The following WBP2NL variants were observed in gnomAD, a reference collection of about 807,000 sequenced individuals.
The protein encoded by WBP2NL is postacrosomal sheath WW domain-binding protein.
Under a neutral mutation model 23.3 loss-of-function variants are expected in WBP2NL, and 27 were observed. That is an observed-to-expected ratio of 1.16 (90% CI 0.85 to 1.60). The LOEUF is 1.60. Among genes scored for constraint, WBP2NL ranks in the 40% most tolerant of loss-of-function variants. The probability of loss-of-function intolerance (pLI) is 0.00; values close to 1 mark genes in which losing one functional copy is unlikely to be tolerated. For missense variants in WBP2NL, 370 were observed against 389.5 expected (o/e 0.95, Z 0.42); for synonymous variants, 151 against 145.9 (o/e 1.03, Z -0.25).
intron 1 of WBP2NL, among the ~76,000 whole-genome samples, chr22:42,007,849 CT>C (rs133320): frequency 0.42 from 64,229 of 151,924 alleles, 14,799 homozygotes; most frequent in East Asian, 0.85. Context: ...GTGAATAGTG[CT>C]GCTATCAACA....
chr22:42,008,304 G>A (rs1230550922), intron 1 of WBP2NL, among the ~76,000 whole-genome samples: 2 of 151,368 alleles, frequency 1.3e-5, no homozygotes, highest in Non-Finnish European at 2.9e-5. Context: ...AGCTTCCGGG[G>A]TTCAAGTGAT....
downstream of WBP2NL, among the ~76,000 whole-genome samples, chr22:42,035,054 C>T (rs1417398791): frequency 2.0e-5 from 3 of 152,226 alleles, no homozygotes; most frequent in East Asian, 3.8e-4. Flanking sequence ...CAAAGACAGG[C>T]ATAGGAAATC....
intron 8 of WBP2NL, among the ~76,000 whole-genome samples, chr22:42,042,489 T>C (rs1925432727): frequency 1.3e-5 from 2 of 152,208 alleles, no homozygotes; most frequent in South Asian, 2.1e-4. Flanking sequence ...ATTCTTCAGC[T>C]CCAGAATGTT....
rs1569455115 is a variant in WBP2NL at position 42,049,698 on chromosome 22, AAC to A, written c.*274-8590_*274-8589del. The stretch of plus-strand genomic sequence containing the variant: ...GAGCGAGACTCCGTCTCCAAAACAA[AAC>A]AAAACAAAAAAAAAAAAAAAAAAAA... On this transcript the variant is annotated intron_variant and NMD_transcript_variant, in intron 8 of 8. Coordinates refer to the WBP2NL transcript ENST00000436265. Among the ~76,000 whole-genome samples the A allele has an allele frequency of 9.9e-5, 9 of 91,186 alleles. 1 individual carries two copies. Among genetic ancestry groups the A allele is most frequent in the Admixed American group, 2.0e-4 (2 of 10,212 alleles). The allele number at this position is 91,186 out of a possible 152,430, so 59.8% of individuals were successfully genotyped here.
At position 42,018,947 on chromosome 22, in the gene WBP2NL, G is replaced by A. The variant is rs562695596; in HGVS notation, c.63-364G>A. On this transcript the variant is annotated intron_variant, in intron 1 of 5. Coordinates refer to ENST00000328823, the MANE Select transcript of WBP2NL (RefSeq NM_152613.3). ...AAAAAAAAAAACTACATTAAGGGCC[G>A]GGCACGGTGGCATGCCTGTAATCCC... Among the ~76,000 whole-genome samples, 14 of 151,400 alleles carry A rather than the reference G, an allele frequency of 9.2e-5. No individual in the cohort carries two copies. In the East Asian group the frequency reaches 1.5e-3, roughly 17 times the overall value.
At chr22:42,041,450 C>T (rs1483186101) in intron 8 of WBP2NL, among the ~76,000 whole-genome samples, 1 of 145,658 alleles carries the variant, frequency 6.9e-6, no homozygotes, top group Non-Finnish European at 1.5e-5. Flanking sequence ...CCACTGCACT[C>T]TAGCCTGGCA....
chr22:42,022,219 G>A (rs989021232), intron 4 of WBP2NL, 30 bp from the exon 5 acceptor site: 6 of 1,575,740 alleles, frequency 3.8e-6, no homozygotes, highest in Non-Finnish European at 5.2e-6. Context: ...AATTAAAAGA[G>A]TTCCTATTTT....
At chr22:42,035,063 T>G (rs1925130217), downstream of WBP2NL, among the ~76,000 whole-genome samples, 1 of 152,216 alleles carries the variant, frequency 6.6e-6, no homozygotes, top group Non-Finnish European at 1.5e-5. Flanking sequence ...GCATAGGAAA[T>G]CACAAGGATA....
chr22:42,025,468 A>G (rs1924392414), intron 5 of WBP2NL, among the ~76,000 whole-genome samples: 1 of 152,262 alleles, frequency 6.6e-6, no homozygotes. Flanking sequence ...TATTAAGGCC[A>G]TTGATTCACT....
chr22:42,013,467 T>G (rs906813680), intron 1 of WBP2NL, among the ~76,000 whole-genome samples: 3 of 152,214 alleles, frequency 2.0e-5, no homozygotes, highest in African/African-American at 7.2e-5. Flanking sequence ...GAGTCACTTA[T>G]CTTGTTAATT....
At chr22:41,999,242 G>A (rs925400252) in intron 1 of WBP2NL, among the ~76,000 whole-genome samples, 1 of 152,250 alleles carries the variant, frequency 6.6e-6, no homozygotes, top group Non-Finnish European at 1.5e-5. Flanking sequence ...GGGGGCCTTC[G>A]GTGGCAGCGT....
rs535574981 is a variant in WBP2NL at position 42,045,266 on chromosome 22, G to A, written c.*274-13024G>A. ...ATCCTGGCCAACATGGTGAAACCCC[G>A]TCTCTACTAAAAAAAATACAAAAAA... On this transcript the variant is annotated intron_variant and NMD_transcript_variant, in intron 8 of 8. Coordinates refer to the WBP2NL transcript ENST00000436265. 3.1e-3 allele frequency among the ~76,000 whole-genome samples: 470 copies of A among 152,008 alleles called. 1 individual carries two copies. The highest frequency in any genetic ancestry group is 5.2e-3 in the Non-Finnish European group (354 of 67,978).
intron 1 of WBP2NL, among the ~76,000 whole-genome samples, chr22:42,005,262 C>T (rs1922114550): frequency 6.6e-6 from 1 of 151,952 alleles, no homozygotes; most frequent in South Asian, 2.1e-4. Flanking sequence ...GCCTGTAATC[C>T]CAGCACTTTG....
At chr22:42,049,976 CAAA>C (rs34787117) in intron 8 of WBP2NL, among the ~76,000 whole-genome samples, 2,128 of 84,348 alleles carry the variant, frequency 0.025, 30 homozygotes, top group African/African-American at 0.071. Context: ...GACTCCGTCT[CAAA>C]AAAAAAAAAA....
At chr22:42,015,279 G>C (rs1241214323) in intron 1 of WBP2NL, among the ~76,000 whole-genome samples, 1 of 152,144 alleles carries the variant, frequency 6.6e-6, no homozygotes, top group Non-Finnish European at 1.5e-5. Context: ...TCTATGTCTG[G>C]AACAACAACA....
downstream of WBP2NL, among the ~76,000 whole-genome samples, chr22:42,036,177 AT>A (rs897701382): frequency 7.5e-4 from 111 of 147,046 alleles, 1 homozygote; most frequent in African/African-American, 2.0e-3. Context: ...CATATGTTCT[AT>A]TTTTTTTTTT....
At chr22:42,053,449 C>CTTT (rs2146826067) in intron 8 of WBP2NL, among the ~76,000 whole-genome samples, 1 of 150,806 alleles carries the variant, frequency 6.6e-6, no homozygotes, top group East Asian at 2.0e-4. Context: ...CTTTTTTTTT[C>CTTT]CTCTTTTTCT....
rs768808909 is a variant in WBP2NL, at chr22:42,026,919, G to T, written c.668G>T (p.Gly223Val). 1 of 1,608,920 alleles carries T rather than the reference G, an allele frequency of 6.2e-7. No individual in the cohort carries two copies. Among genetic ancestry groups the T allele is most frequent in the Admixed American group, 1.7e-5 (1 of 59,446 alleles). ...GTGCGATATGGAGCCCCACCTCTTG[G>T]ATACGGAGCCCCACCTGCAGGATAT... ...SPVRYGAPPL[G>V]YGAPPAGYGA... Residue 223 changes from glycine (G) to valine (V), a missense_variant, in exon 6 of 6, where the codon GGA becomes GTA. Transcript: ENST00000328823.
At chr22:42,039,370 T>TTTTC (rs1556304670) in intron 8 of WBP2NL, among the ~76,000 whole-genome samples, 1 of 149,646 alleles carries the variant, frequency 6.7e-6, no homozygotes. Flanking sequence ...TTTTTTTTTT[T>TTTTC]CCAGTATCAG....
Sources: gnomAD v4.1 joint callset for allele counts (sites outside exome capture counted in the v4.1 genomes callset) on GRCh38, gnomAD v4.1.1 for gene constraint, MANE v1.5 for transcripts, NCBI Gene and HGNC (gene_info 2026-07-23, HGNC 2026-07-21) for gene names.